LAMP2: variants seen among roughly 807,000 people sequenced by gnomAD.
LAMP2 encodes lysosome associated membrane protein 2, also known as lysosome-associated membrane glycoprotein 2.
A neutral mutation model predicts 25.6 loss-of-function variants in LAMP2; 4 were observed. The observed-to-expected ratio is 0.16, with a 90% CI of 0.08 to 0.36. The LOEUF is 0.36. Among genes scored for constraint, LAMP2 ranks in the 10% least tolerant of loss-of-function variants. The pLI is 1.00. For missense variants in LAMP2, 272 were observed against 301.4 expected, an observed-to-expected ratio of 0.90 and a Z score of 0.72; for synonymous variants, 108 against 112.7, an observed-to-expected ratio of 0.96 and a Z score of 0.27.
intron 8 of LAMP2, among the ~76,000 whole-genome samples, chrX:120,435,276 A>C: frequency 8.9e-6 from 1 of 112,565 alleles, no homozygotes; most frequent in East Asian, 2.8e-4. Flanking sequence ...CATGCATCTG[A>C]AAAGATTCGT....
At chrX:120,455,598 GAAAC>G (rs1921059979) in intron 2 of LAMP2, 28 bp from the exon 3 acceptor site, 3 of 1,088,346 alleles carry the variant, frequency 2.8e-6, no homozygotes, top group Middle Eastern at 2.5e-4. Flanking sequence ...TTGGGGGTGA[GAAAC>G]AAACAGGCAG....
intron 8 of LAMP2, among the ~76,000 whole-genome samples, chrX:120,440,292 T>C (rs2058566333): frequency 8.9e-6 from 1 of 111,874 alleles, no homozygotes; most frequent in East Asian, 2.8e-4. Context: ...CTGCATTTCT[T>C]ATCTGGTCAG....
chrX:120,442,517 C>A (rs190352161), intron 7 of LAMP2, 82 bp downstream of exon 7: 2 of 796,181 alleles, frequency 2.5e-6, no homozygotes, highest in Non-Finnish European at 3.9e-6. Flanking sequence ...AAATAAGGCA[C>A]TATTTGGTAA....
intron 8 of LAMP2, chrX:120,437,462 T>C: frequency 1.3e-6 from 1 of 750,746 alleles, no homozygotes; most frequent in African/African-American, 2.3e-5. Flanking sequence ...CTTCCATATA[T>C]GGCTGCATAT....
chrX:120,438,623 ACTATT>A, intron 8 of LAMP2: 1 of 755,287 alleles, frequency 1.3e-6, no homozygotes, highest in African/African-American at 2.3e-5. Flanking sequence ...GTTCAAATCT[ACTATT>A]ATATCTCTCA....
chrX:120,429,132 G>A lies in LAMP2; in HGVS notation c.*2191C>T, dbSNP rs1251160843. 4.7e-6 allele frequency: 3 copies of A among 637,964 alleles called. No individual in the cohort carries two copies. The highest frequency in any genetic ancestry group is 5.4e-5 in the African/African-American group (2 of 37,331). 52.6% of individuals were successfully genotyped at this position (637,964 alleles called of 1,213,427 possible). ...TATATGTATATGTGTATATATATGT[G>A]TGTGTGTATATATATGTGTGTGTGT... is the stretch of plus-strand genomic sequence containing the variant. On this transcript the variant is annotated 3_prime_UTR_variant, in exon 9 of 9. Transcript: ENST00000200639.
rs730880478 is a variant in LAMP2 at position 120,456,761 on chromosome X, G to A, written c.73C>T (p.Arg25Trp). ...VLVCLVLGAV[R>W]SYALELNLTD... is the part of the protein sequence containing the mutation. ...AAATTAAGTTCCAATGCATAAGACC[G>A]CACAGCTCCTGGATTCATTTAAAAA... The change falls in exon 2 of 9, where the codon CGG (arginine) becomes TGG (tryptophan). Residue 25 changes from arginine to tryptophan, a missense_variant. Arg to Trp is a moderately radical substitution (Grantham distance 101). Transcript: ENST00000200639. 43 of 1,100,297 alleles carry A rather than the reference G, an allele frequency of 3.9e-5. No homozygotes were observed. The African/African-American group carries it at 6.0e-4, about 15-fold the overall frequency. The allele number at this position is 1,100,297 out of a possible 1,213,427, so 90.7% of individuals were successfully genotyped here.
chrX:120,451,160 C>T (rs954047668), intron 3 of LAMP2, among the ~76,000 whole-genome samples: 2 of 111,146 alleles, frequency 1.8e-5, no homozygotes, highest in Admixed American at 9.6e-5. Flanking sequence ...CTCAGGTGAT[C>T]TGCCTGCCTT....
chrX:120,449,906 G>A (rs2058614249), intron 3 of LAMP2, among the ~76,000 whole-genome samples: 1 of 111,630 alleles, frequency 9.0e-6, no homozygotes, highest in Non-Finnish European at 1.9e-5. Flanking sequence ...GAAGGGTAAG[G>A]GAGGGTTGCC....
In LAMP2 at chrX:120,427,274, C is replaced by T. The variant is rs1021547844; in HGVS notation, c.*4049G>A. Among the ~76,000 whole-genome samples, 8 of 111,433 alleles carry T rather than the reference C, an allele frequency of 7.2e-5. No homozygotes were observed. In the Admixed American group the frequency reaches 7.7e-4, roughly 11 times the overall value. The stretch of plus-strand genomic sequence containing the variant: ...ATAAACATCTGCCTTATACTAATGA[C>T]AGGTGTACAAAGCAGCCATTTGAAC... On this transcript the variant is annotated 3_prime_UTR_variant, in exon 9 of 9. Transcript: ENST00000200639.
chrX:120,445,207 T>C (rs1168555383), intron 6 of LAMP2, among the ~76,000 whole-genome samples: 4 of 112,143 alleles, frequency 3.6e-5, no homozygotes, highest in Non-Finnish European at 7.5e-5. Flanking sequence ...TTTACCATAC[T>C]GGAGAGGACA....
At chrX:120,443,461 G>A (rs371825761) in intron 6 of LAMP2, among the ~76,000 whole-genome samples, 9 of 111,940 alleles carry the variant, frequency 8.0e-5, no homozygotes, top group Middle Eastern at 4.6e-3. Flanking sequence ...ATGATGCTTC[G>A]CTGAGTAAGT....
chrX:120,431,574 C>T, intron 8 of LAMP2, 112 bp from the exon 9 acceptor site: 1 of 635,214 alleles, frequency 1.6e-6, no homozygotes, highest in Non-Finnish European at 2.6e-6. Context: ...GTTTTTTATA[C>T]CAAGGTAACA....
intron 1 of LAMP2, among the ~76,000 whole-genome samples, chrX:120,458,367 AATAGCATCG>A (rs1373746695): frequency 8.9e-6 from 1 of 112,269 alleles, no homozygotes; most frequent in African/African-American, 3.2e-5. Flanking sequence ...GTAAAATAGT[AATAGCATCG>A]ATAGCTTGCA....
At chrX:120,452,227 T>C (rs2058624272) in intron 3 of LAMP2, among the ~76,000 whole-genome samples, 1 of 111,897 alleles carries the variant, frequency 8.9e-6, no homozygotes, top group African/African-American at 3.2e-5. Context: ...TGTCTTTCCT[T>C]GGCTTCCAAG....
At position 120,429,976 on chromosome X, in the gene LAMP2, C is replaced by G. The variant is rs2058516066; in HGVS notation, c.*1347G>C. On this transcript the variant is annotated 3_prime_UTR_variant, in exon 9 of 9. Transcript: ENST00000200639. Reference sequence around the variant, plus strand: ...CATTCATAAAAATGTTGCTACGGTTCTGAGTACACAACACTCATCTCAGTA... The same window carrying G: ...CATTCATAAAAATGTTGCTACGGTTGTGAGTACACAACACTCATCTCAGTA... 1 of 752,719 alleles carries G rather than the reference C, an allele frequency of 1.3e-6. No individual in the cohort carries two copies. The highest frequency in any genetic ancestry group is 1.5e-4 in the East Asian group (1 of 6,623). 62.0% of individuals were successfully genotyped at this position (752,719 alleles called of 1,213,427 possible).
At chrX:120,437,042 A>G in intron 8 of LAMP2, 1 of 739,139 alleles carries the variant, frequency 1.4e-6, no homozygotes, top group Non-Finnish European at 1.6e-6. Context: ...ACAATTTTAC[A>G]CTAAAACACA....
At chrX:120,452,211 G>A (rs916355285) in intron 3 of LAMP2, among the ~76,000 whole-genome samples, 6 of 111,650 alleles carry the variant, frequency 5.4e-5, no homozygotes, top group Non-Finnish European at 9.4e-5. Flanking sequence ...GCCCCATCAA[G>A]CTAAATGTCT....
chrX:120,461,671 G>A (rs191238532), intron 1 of LAMP2, among the ~76,000 whole-genome samples: 97 of 111,644 alleles, frequency 8.7e-4, no homozygotes, highest in African/African-American at 3.0e-3. Context: ...GTCATGGTAG[G>A]GGACACCATG....
Sources: gnomAD v4.1 joint callset for allele counts (sites outside exome capture counted in the v4.1 genomes callset) on GRCh38, gnomAD v4.1.1 for gene constraint, MANE v1.5 for transcripts, NCBI Gene and HGNC (gene_info 2026-07-23, HGNC 2026-07-21) for gene names.